Variants in ADAMTSL1 observed in about 807,000 individuals in gnomAD.
ADAMTSL1 encodes the protein ADAMTS-like protein 1.
ADAMTSL1 carries 126 observed loss-of-function variants against 201.8 expected under a neutral mutation model. The ratio of observed to expected loss-of-function variants is 0.62; its 90% CI spans 0.54 to 0.72. The LOEUF (loss-of-function observed/expected upper bound fraction) is 0.72. ADAMTSL1 is among the 30% of genes least tolerant of loss of function. The pLI is 0.00. For synonymous variants in ADAMTSL1, 1,121 were observed against 903.4 expected (o/e 1.24, Z -4.32); for missense variants, 2,679 against 2,277.8 (o/e 1.18, Z -3.59).
chr9:17,987,141 G>C (rs998695877), intron 1 of ADAMTSL1, among the ~76,000 whole-genome samples: 2 of 151,996 alleles, frequency 1.3e-5, no homozygotes, highest in African/African-American at 2.4e-5. Flanking sequence ...TGTAAGTTTT[G>C]ATATCAGACA....
intron 4 of ADAMTSL1, among the ~76,000 whole-genome samples, chr9:18,613,505 A>G (rs1282347616): frequency 6.6e-6 from 1 of 152,242 alleles, no homozygotes; most frequent in Non-Finnish European, 1.5e-5. Context: ...AATGTGGTAA[A>G]GAAACACCAT....
rs539559898 is a variant in ADAMTSL1, at chr9:18,823,790, G to A, written c.3935-2494G>A. ...GATCATCTGAGGTCAGGAGTTCAAC[G>A]CCAGCCTGGCCAACATGGCGAAACC... On this transcript the variant is annotated intron_variant, in intron 21 of 28. Coordinates refer to ENST00000380548, the MANE Select transcript of ADAMTSL1 (RefSeq NM_001040272.6). Among the ~76,000 whole-genome samples the A allele has an allele frequency of 2.0e-4, 30 of 152,204 alleles. 1 individual carries two copies. The highest frequency in any genetic ancestry group is 6.5e-4 in the African/African-American group (27 of 41,544).
intron 1 of ADAMTSL1, among the ~76,000 whole-genome samples, chr9:18,109,685 T>G (rs1824916647): frequency 6.6e-6 from 1 of 152,206 alleles, no homozygotes; most frequent in Non-Finnish European, 1.5e-5. Flanking sequence ...AGACAGCCTT[T>G]TAGACCCCCT....
chr9:18,323,078 T>G (rs897547603), intron 2 of ADAMTSL1, among the ~76,000 whole-genome samples: 6 of 152,094 alleles, frequency 3.9e-5, no homozygotes, highest in Non-Finnish European at 8.8e-5. Context: ...GAAAAAAGCA[T>G]GCTGCAAGAA....
At chr9:18,073,760 T>C (rs1823070202) in intron 1 of ADAMTSL1, among the ~76,000 whole-genome samples, 1 of 152,164 alleles carries the variant, frequency 6.6e-6, no homozygotes, top group African/African-American at 2.4e-5. Flanking sequence ...AAATAACAGA[T>C]TCCAACTTCT....
At chr9:18,136,252 C>T (rs546393502) in intron 1 of ADAMTSL1, among the ~76,000 whole-genome samples, 6 of 152,192 alleles carry the variant, frequency 3.9e-5, no homozygotes, top group East Asian at 1.9e-4. Flanking sequence ...TAATTAAGAA[C>T]GTCAGAGGTG....
intron 3 of ADAMTSL1, among the ~76,000 whole-genome samples, chr9:18,540,353 T>C (rs1246258291): frequency 6.6e-6 from 1 of 152,192 alleles, no homozygotes; most frequent in Non-Finnish European, 1.5e-5. Context: ...CGAGAAGCGA[T>C]AGTGAATGAT....
At chr9:18,828,661 TA>T (rs368742902) in intron 22 of ADAMTSL1, among the ~76,000 whole-genome samples, 10,568 of 60,238 alleles carry the variant, frequency 0.18, 2,023 homozygotes, top group African/African-American at 0.39. Flanking sequence ...AAAGTATATT[TA>T]TATATATATA....
intron 1 of ADAMTSL1, among the ~76,000 whole-genome samples, chr9:17,973,162 A>T (rs1003131719): frequency 6.6e-6 from 1 of 151,094 alleles, no homozygotes; most frequent in African/African-American, 2.4e-5. Context: ...GAAGCTCTTT[A>T]GTTTAATTAG....
intron 1 of ADAMTSL1, among the ~76,000 whole-genome samples, chr9:17,953,650 T>A (rs1043205972): frequency 6.6e-6 from 1 of 152,156 alleles, no homozygotes; most frequent in African/African-American, 2.4e-5. Flanking sequence ...ACATATAACA[T>A]TAAATTTGAA....
chr9:18,862,306 A>T (rs183204629), intron 23 of ADAMTSL1, among the ~76,000 whole-genome samples: 103 of 152,268 alleles, frequency 6.8e-4, no homozygotes, highest in Admixed American at 1.7e-3. Context: ...ACTTAGCCTG[A>T]GTTCCTGAGG....
intron 1 of ADAMTSL1, among the ~76,000 whole-genome samples, chr9:17,991,768 G>A (rs550232298): frequency 2.6e-5 from 4 of 152,236 alleles, no homozygotes; most frequent in South Asian, 2.1e-4. Context: ...GACTGTACAC[G>A]TGCATCCTTA....
intron 1 of ADAMTSL1, among the ~76,000 whole-genome samples, chr9:17,990,185 C>T (rs1455931093): frequency 1.3e-5 from 2 of 151,974 alleles, no homozygotes; most frequent in African/African-American, 2.4e-5. Flanking sequence ...GTAGGTTTCT[C>T]ACATGGCACA....
chr9:18,551,171 T>G (rs538857238), intron 3 of ADAMTSL1, among the ~76,000 whole-genome samples: 1 of 151,998 alleles, frequency 6.6e-6, no homozygotes, highest in Non-Finnish European at 1.5e-5. Flanking sequence ...CCCACCAGAA[T>G]TATACTTGTT....
At chr9:18,696,345 T>C (rs888255230) in intron 13 of ADAMTSL1, among the ~76,000 whole-genome samples, 8 of 152,108 alleles carry the variant, frequency 5.3e-5, no homozygotes, top group African/African-American at 1.4e-4. Flanking sequence ...ATTGACCACA[T>C]TGAAGGAAGT....
intron 1 of ADAMTSL1, among the ~76,000 whole-genome samples, chr9:17,939,079 C>A (rs966325829): frequency 4.6e-5 from 7 of 152,086 alleles, no homozygotes; most frequent in African/African-American, 1.7e-4. Flanking sequence ...GCCACTTATA[C>A]TTTTTGCATG....
intron 14 of ADAMTSL1, among the ~76,000 whole-genome samples, chr9:18,714,681 TGGTACCATTCCTTCTGAAACTA>T (rs1832810954): frequency 6.6e-6 from 1 of 151,472 alleles, no homozygotes; most frequent in Non-Finnish European, 1.5e-5. Context: ...AAGGAGGAAC[TGGTACCATTCCTTCTGAAACTA>T]TTCCAATCAA....
intron 2 of ADAMTSL1, among the ~76,000 whole-genome samples, chr9:18,288,806 C>G (rs1833129580): frequency 6.6e-6 from 1 of 152,198 alleles, no homozygotes; most frequent in Admixed American, 6.5e-5. Context: ...GATAATTTGA[C>G]AAGAACCAGA....
rs764624501 is a variant in ADAMTSL1 at position 18,775,776 on chromosome 9, C to T, written c.2431C>T (p.Arg811Ter). ...STSCGEGTQTRSAICRKMLKT... is the reference protein window; with the variant it reads ...STSCGEGTQT ...AAGCTGCGGGGAAGGCACCCAGACTCGAAGCGCCATTTGCCGAAAGATGCT... is the reference window on the plus strand; with the variant it reads ...AAGCTGCGGGGAAGGCACCCAGACTTGAAGCGCCATTTGCCGAAAGATGCT... Residue 811 changes from arginine (R) to a stop codon, truncating the protein, a stop_gained, in exon 18 of 29, where the codon CGA (arginine) becomes TGA (stop). Coordinates refer to ENST00000380548, the MANE Select transcript of ADAMTSL1 (RefSeq NM_001040272.6). LOFTEE classifies it high-confidence loss of function. 1 of 1,612,984 alleles carries T rather than the reference C, an allele frequency of 6.2e-7. No homozygotes were observed. Among genetic ancestry groups the T allele is most frequent in the South Asian group, 1.1e-5 (1 of 90,644 alleles).
Sources: gnomAD v4.1 joint callset for allele counts (sites outside exome capture counted in the v4.1 genomes callset) on GRCh38, gnomAD v4.1.1 for gene constraint, MANE v1.5 for transcripts, NCBI Gene and HGNC (gene_info 2026-07-23, HGNC 2026-07-21) for gene names.